SHTN1: variants seen among roughly 807,000 people sequenced by gnomAD.
The protein encoded by SHTN1 is shootin 1.
SHTN1 carries 42 observed loss-of-function variants against 83.1 expected under a neutral mutation model. That is an observed-to-expected ratio of 0.51 (90% CI 0.39 to 0.65). The LOEUF (loss-of-function observed/expected upper bound fraction) is 0.65. Ranked by LOEUF, SHTN1 falls within the 30% of genes least tolerant of loss-of-function variation. SHTN1 has a pLI of 0.00. For synonymous variants in SHTN1, 224 were observed against 247.7 expected (o/e 0.90, Z 0.90); for missense variants, 622 against 737.8 (o/e 0.84, Z 1.82).
At chr10:116,893,084 T>A (rs758080521) in intron 16 of SHTN1, among the ~76,000 whole-genome samples, 5 of 152,212 alleles carry the variant, frequency 3.3e-5, no homozygotes, top group Non-Finnish European at 7.3e-5. Flanking sequence ...AACAGCAGTT[T>A]AACAGTCATT....
intron 4 of SHTN1, among the ~76,000 whole-genome samples, chr10:116,956,583 A>G (rs1276285101): frequency 6.6e-6 from 1 of 152,174 alleles, no homozygotes; most frequent in African/African-American, 2.4e-5. Flanking sequence ...AGTTTTCTTC[A>G]AAGTATTCAT....
At chr10:116,998,101 G>C (rs1286472966) in intron 1 of SHTN1, among the ~76,000 whole-genome samples, 1 of 152,038 alleles carries the variant, frequency 6.6e-6, no homozygotes, top group Admixed American at 6.5e-5. Context: ...CAAAAAAAAA[G>C]AATCAGGGAG....
At chr10:116,904,786 G>T (rs1289213371) in intron 15 of SHTN1, among the ~76,000 whole-genome samples, 1 of 152,150 alleles carries the variant, frequency 6.6e-6, no homozygotes, top group Non-Finnish European at 1.5e-5. Context: ...TGTGAGTATT[G>T]CACATTTTGA....
chr10:117,097,787 C>T (rs1046126080), intron 1 of SHTN1, among the ~76,000 whole-genome samples: 3 of 152,148 alleles, frequency 2.0e-5, no homozygotes, highest in African/African-American at 4.8e-5. Flanking sequence ...AATTATTAAG[C>T]GATTCCAACT....
chr10:117,070,495 G>A (rs1036603781), intron 1 of SHTN1, among the ~76,000 whole-genome samples: 2 of 151,880 alleles, frequency 1.3e-5, no homozygotes, highest in Non-Finnish European at 2.9e-5. Flanking sequence ...ACGAGTTGCA[G>A]TCACTTAATT....
intron 16 of SHTN1, among the ~76,000 whole-genome samples, chr10:116,889,896 A>G (rs1390706949): frequency 6.6e-6 from 1 of 151,770 alleles, no homozygotes; most frequent in East Asian, 1.9e-4. Context: ...CACTAGGTCC[A>G]CTCTTGGCTC....
intron 1 of SHTN1, among the ~76,000 whole-genome samples, chr10:117,002,370 A>ATAAG (rs1436314525): frequency 1.3e-4 from 20 of 152,174 alleles, no homozygotes; most frequent in Non-Finnish European, 2.4e-4. Flanking sequence ...GTGGTACTTG[A>ATAAG]TAAGTATTTG....
chr10:117,037,998 C>CAAAAA lies in SHTN1; in HGVS notation c.-123+10442_-123+10446dup, dbSNP rs71013632. Among the ~76,000 whole-genome samples, 137 of 75,464 alleles carry CAAAAA rather than the reference C, an allele frequency of 1.8e-3. 5 individuals are homozygous for CAAAAA. Among genetic ancestry groups the CAAAAA allele is most frequent in the African/African-American group, 6.7e-3 (124 of 18,478 alleles). 49.5% of individuals were successfully genotyped at this position (75,464 alleles called of 152,430 possible). A position where few individuals can be genotyped will look rare whatever the true frequency, so the allele number is the denominator to read the frequency against. The stretch of plus-strand genomic sequence containing the variant: ...CCAGCCTGGTGACAGAGCGAGACTT[C>CAAAAA]AAAAAAAAAAAAAAAAAAAAAAATC... On this transcript the variant is annotated intron_variant, in intron 2 of 17. Coordinates refer to the SHTN1 transcript ENST00000392901.
intron 1 of SHTN1, among the ~76,000 whole-genome samples, chr10:116,987,871 T>C (rs557321513): frequency 4.0e-5 from 6 of 149,634 alleles, no homozygotes; most frequent in South Asian, 2.1e-4. Flanking sequence ...GCCAAGATCA[T>C]GCCACTGCAC....
intron 4 of SHTN1, among the ~76,000 whole-genome samples, chr10:116,957,308 G>C (rs1850019623): frequency 7.0e-6 from 1 of 143,744 alleles, no homozygotes; most frequent in African/African-American, 2.6e-5. Context: ...GGTTGGAGTA[G>C]AGCTGCGTGA....
chr10:117,000,889 G>A (rs771126467), intron 1 of SHTN1, among the ~76,000 whole-genome samples: 1 of 152,178 alleles, frequency 6.6e-6, no homozygotes, highest in Non-Finnish European at 1.5e-5. Context: ...CAGAGGCAAG[G>A]TCTTATTCAG....
At chr10:117,090,657 A>C (rs781472655) in intron 1 of SHTN1, among the ~76,000 whole-genome samples, 5 of 152,116 alleles carry the variant, frequency 3.3e-5, no homozygotes, top group Non-Finnish European at 5.9e-5. Flanking sequence ...GTTTCATATG[A>C]TTGTGCCAGT....
At chr10:116,963,777 C>T (rs1589848821) in intron 3 of SHTN1, among the ~76,000 whole-genome samples, 1 of 152,258 alleles carries the variant, frequency 6.6e-6, no homozygotes, top group South Asian at 2.1e-4. Flanking sequence ...ATTTTCCCGC[C>T]TTTGCATCAC....
chr10:117,045,150 G>A (rs1427409263), intron 2 of SHTN1, among the ~76,000 whole-genome samples: 1 of 152,118 alleles, frequency 6.6e-6, no homozygotes, highest in Non-Finnish European at 1.5e-5. Flanking sequence ...TTCATTTATG[G>A]AGAATAATCT....
chr10:117,124,387 G>A (rs1031867413), intron 1 of SHTN1, among the ~76,000 whole-genome samples: 2 of 152,144 alleles, frequency 1.3e-5, no homozygotes, highest in African/African-American at 4.8e-5. Context: ...CATGTTCAGA[G>A]TGGTATACCA....
At chr10:117,045,237 T>C (rs962914830) in intron 2 of SHTN1, among the ~76,000 whole-genome samples, 1 of 152,172 alleles carries the variant, frequency 6.6e-6, no homozygotes, top group Non-Finnish European at 1.5e-5. Flanking sequence ...ACTGACAAAA[T>C]TGTTGAAATC....
At chr10:117,007,881 A>G (rs1852046368), upstream of SHTN1, among the ~76,000 whole-genome samples, 1 of 151,642 alleles carries the variant, frequency 6.6e-6, no homozygotes, top group Non-Finnish European at 1.5e-5. Flanking sequence ...GGTGGCGGGC[A>G]CCTGTAGTCC....
intron 14 of SHTN1, among the ~76,000 whole-genome samples, chr10:116,909,418 T>A (rs1457951255): frequency 2.6e-5 from 4 of 152,176 alleles, no homozygotes; most frequent in Non-Finnish European, 5.9e-5. Context: ...GTTCTTTGAT[T>A]TACAGCCAAC....
chr10:117,007,945 T>C (rs952139098), upstream of SHTN1, among the ~76,000 whole-genome samples: 2 of 148,062 alleles, frequency 1.4e-5, no homozygotes, highest in African/African-American at 5.0e-5. Flanking sequence ...GAGGCGAAGG[T>C]TGCAGTGAGC....
Sources: gnomAD v4.1 joint callset for allele counts (sites outside exome capture counted in the v4.1 genomes callset) on GRCh38, gnomAD v4.1.1 for gene constraint, MANE v1.5 for transcripts, NCBI Gene and HGNC (gene_info 2026-07-23, HGNC 2026-07-21) for gene names.